The following OLA1 variants were observed in gnomAD, a reference collection of about 807,000 sequenced individuals.
OLA1 encodes the protein obg-like ATPase 1.
Under a neutral mutation model 48.4 loss-of-function variants are expected in OLA1, and 14 were observed. The ratio of observed to expected loss-of-function variants is 0.29; its 90% CI spans 0.19 to 0.45. OLA1 has a LOEUF of 0.45. Ranked by LOEUF, OLA1 falls within the 20% of genes least tolerant of loss-of-function variation. OLA1 has a pLI of 1.00. For missense variants in OLA1, 325 were observed against 467.1 expected (o/e 0.70, Z 2.80); for synonymous variants, 127 against 150.4 (o/e 0.84, Z 1.14).
chr2:174,105,523 G>C (rs1474993480), intron 7 of OLA1, among the ~76,000 whole-genome samples: 1 of 151,928 alleles, frequency 6.6e-6, no homozygotes, highest in Non-Finnish European at 1.5e-5. Flanking sequence ...TCAATGTTCT[G>C]TTTTCTAGAT....
chr2:174,189,361 A>G (rs1687726814), intron 4 of OLA1, among the ~76,000 whole-genome samples: 1 of 152,200 alleles, frequency 6.6e-6, no homozygotes, highest in African/African-American at 2.4e-5. Context: ...TTAAAGCACA[A>G]ATGACAAACA....
At chr2:174,188,371 A>AAAT (rs34087383) in intron 4 of OLA1, among the ~76,000 whole-genome samples, 37,855 of 149,182 alleles carry the variant, frequency 0.25, 5,436 homozygotes, top group East Asian at 0.68. Flanking sequence ...TTCCTCCTAA[A>AAAT]AATAATAATA....
intron 4 of OLA1, among the ~76,000 whole-genome samples, chr2:174,163,703 AAT>A (rs1371594672): frequency 4.0e-5 from 2 of 49,750 alleles, no homozygotes; most frequent in African/African-American, 1.9e-4. Flanking sequence ...AAATAAAATA[AAT>A]AAATAAATAT....
chr2:174,229,815 C>G (rs1448992737), intron 2 of OLA1, among the ~76,000 whole-genome samples: 1 of 152,198 alleles, frequency 6.6e-6, no homozygotes, highest in East Asian at 1.9e-4. Flanking sequence ...ACAAAACCTT[C>G]TCTAGCATGA....
intron 4 of OLA1, among the ~76,000 whole-genome samples, chr2:174,164,133 C>T (rs1458346429): frequency 6.6e-6 from 1 of 151,954 alleles, no homozygotes; most frequent in Admixed American, 6.6e-5. Flanking sequence ...TGCCTTCCAC[C>T]ATGCTTGTAA....
chr2:174,115,722 T>C (rs1224343040), intron 7 of OLA1, among the ~76,000 whole-genome samples: 1 of 152,228 alleles, frequency 6.6e-6, no homozygotes, highest in Non-Finnish European at 1.5e-5. Flanking sequence ...TACTTGCAGT[T>C]TCCTCTCCCT....
chr2:174,124,403 A>G (rs892915020), intron 5 of OLA1: 9 of 152,182 alleles, frequency 5.9e-5, no homozygotes, highest in African/African-American at 1.4e-4. Context: ...GAAGAGCCCA[A>G]TGTGCTTTGT....
At chr2:174,194,123 T>C (rs751718858) in intron 4 of OLA1, among the ~76,000 whole-genome samples, 97 of 152,338 alleles carry the variant, frequency 6.4e-4, no homozygotes, top group Middle Eastern at 3.4e-3. Flanking sequence ...TTTTGTTGTA[T>C]AGTGGAGAGA....
intron 2 of OLA1, among the ~76,000 whole-genome samples, chr2:174,233,152 A>C (rs1688769372): frequency 6.6e-6 from 1 of 152,184 alleles, no homozygotes; most frequent in South Asian, 2.1e-4. Flanking sequence ...CTCAAATATG[A>C]ATATACTTAT....
intron 4 of OLA1, among the ~76,000 whole-genome samples, chr2:174,159,502 T>C (rs1686962651): frequency 6.6e-6 from 1 of 152,182 alleles, no homozygotes; most frequent in Non-Finnish European, 1.5e-5. Context: ...GTGTGTTACA[T>C]GTGTACAAAA....
At chr2:174,090,918 C>T (rs1685099261) in intron 7 of OLA1, among the ~76,000 whole-genome samples, 1 of 152,206 alleles carries the variant, frequency 6.6e-6, no homozygotes, top group South Asian at 2.1e-4. Flanking sequence ...TGAGAGCCTT[C>T]CCTGAACTCC....
At chr2:174,095,341 T>G (rs1042008505) in intron 7 of OLA1, among the ~76,000 whole-genome samples, 3 of 125,028 alleles carry the variant, frequency 2.4e-5, no homozygotes, top group African/African-American at 5.8e-5. Context: ...TTTTTTTTTT[T>G]TTTTTTTTGT....
chr2:174,206,078 G>A (rs1485697207), intron 4 of OLA1, among the ~76,000 whole-genome samples: 1 of 152,116 alleles, frequency 6.6e-6, no homozygotes, highest in Admixed American at 6.6e-5. Flanking sequence ...ACAGTTATAA[G>A]GAAATGAAGA....
intron 5 of OLA1, among the ~76,000 whole-genome samples, chr2:174,129,198 C>T (rs570522477): frequency 1.3e-5 from 2 of 152,158 alleles, no homozygotes; most frequent in Admixed American, 6.5e-5. Context: ...GTGGCTCACG[C>T]CTGTAATCCC....
At chr2:174,243,058 G>C (rs1689042496) in intron 2 of OLA1, among the ~76,000 whole-genome samples, 1 of 151,980 alleles carries the variant, frequency 6.6e-6, no homozygotes, top group Non-Finnish European at 1.5e-5. Context: ...ACCCAGGCTA[G>C]AGTGCAGTGG....
At chr2:174,110,892 G>A (rs1685633515) in intron 7 of OLA1, among the ~76,000 whole-genome samples, 1 of 152,094 alleles carries the variant, frequency 6.6e-6, no homozygotes, top group Admixed American at 6.6e-5. Context: ...TAATTGCAAC[G>A]TTTTATATAA....
chr2:174,158,946 T>G (rs961989306), intron 4 of OLA1, among the ~76,000 whole-genome samples: 1 of 152,214 alleles, frequency 6.6e-6, no homozygotes, highest in African/African-American at 2.4e-5. Context: ...ATTTTAGCAC[T>G]GCTAATATGT....
chr2:174,247,537 A>T, intron 1 of OLA1: 2 of 1,368,308 alleles, frequency 1.5e-6, no homozygotes, highest in South Asian at 1.4e-5. Context: ...CACAGAAGAC[A>T]GTCAAAGAAA....
rs1181967176 is a variant in OLA1, at chr2:174,094,810, C to T, written c.729-12746G>A. 2.0e-5 allele frequency among the ~76,000 whole-genome samples: 3 copies of T among 152,160 alleles called. No individual in the cohort carries two copies. The East Asian group carries it at 5.8e-4, about 29-fold the overall frequency. Reference sequence around the variant, plus strand: ...AAAACTCTATAGCCATTGAATAACACCTTCCTGTTCCCCTGACAACCACTA... The same window carrying T: ...AAAACTCTATAGCCATTGAATAACATCTTCCTGTTCCCCTGACAACCACTA... On this transcript the variant is annotated intron_variant, in intron 7 of 10. Coordinates refer to ENST00000284719, the MANE Select transcript of OLA1 (RefSeq NM_013341.5).
Sources: gnomAD v4.1 joint callset for allele counts (sites outside exome capture counted in the v4.1 genomes callset) on GRCh38, gnomAD v4.1.1 for gene constraint, MANE v1.5 for transcripts, NCBI Gene and HGNC (gene_info 2026-07-23, HGNC 2026-07-21) for gene names.